CTNNA2: variants seen among roughly 807,000 people sequenced by gnomAD.
The protein encoded by CTNNA2 is catenin alpha 2.
A neutral mutation model predicts 101.0 loss-of-function variants in CTNNA2; 42 were observed. The ratio of observed to expected loss-of-function variants is 0.42; its 90% CI spans 0.32 to 0.54. The LOEUF (loss-of-function observed/expected upper bound fraction) is 0.54. CTNNA2 is among the 20% of genes least tolerant of loss of function. CTNNA2 has a pLI of 0.14. For missense variants in CTNNA2, 871 were observed against 1,223.1 expected (o/e 0.71, Z 4.29); for synonymous variants, 450 against 456.4 (o/e 0.99, Z 0.18).
intron 8 of CTNNA2, among the ~76,000 whole-genome samples, chr2:80,393,954 CCT>C (rs981733510): frequency 6.6e-6 from 1 of 152,108 alleles, no homozygotes; most frequent in Non-Finnish European, 1.5e-5. Context: ...ATGATGAACT[CCT>C]CTTTCTTTGG....
intron 3 of CTNNA2, among the ~76,000 whole-genome samples, chr2:79,333,043 G>T (rs561423762): frequency 8.0e-4 from 122 of 152,268 alleles, no homozygotes; most frequent in African/African-American, 2.8e-3. Context: ...CCAAGGGAAA[G>T]AATAACTATC....
At chr2:80,314,293 T>A (rs1677887495) in intron 7 of CTNNA2, among the ~76,000 whole-genome samples, 2 of 152,230 alleles carry the variant, frequency 1.3e-5, no homozygotes, top group South Asian at 4.1e-4. Context: ...AGCATTCAAA[T>A]TCTAATTTAT....
At chr2:79,475,152 A>G (rs1287280505) in intron 4 of CTNNA2, among the ~76,000 whole-genome samples, 2 of 151,924 alleles carry the variant, frequency 1.3e-5, no homozygotes, top group Admixed American at 6.6e-5. Context: ...AGAGCTCCCC[A>G]TAATTTTTTT....
chr2:79,715,349 T>G (rs1008234166), intron 2 of CTNNA2, among the ~76,000 whole-genome samples: 4 of 152,156 alleles, frequency 2.6e-5, no homozygotes, highest in African/African-American at 9.7e-5. Flanking sequence ...TGTAGAATTG[T>G]TCTGCCTTTC....
At chr2:79,865,086 T>C (rs1238954600) in intron 4 of CTNNA2, among the ~76,000 whole-genome samples, 1 of 152,222 alleles carries the variant, frequency 6.6e-6, no homozygotes, top group Non-Finnish European at 1.5e-5. Flanking sequence ...AACACACTTA[T>C]ACACACATTT....
At chr2:79,486,896 T>C (rs1407887194) in intron 4 of CTNNA2, among the ~76,000 whole-genome samples, 2 of 152,222 alleles carry the variant, frequency 1.3e-5, no homozygotes, top group African/African-American at 4.8e-5. Context: ...AGGCGAAATA[T>C]TTTTAAAGTC....
intron 7 of CTNNA2, among the ~76,000 whole-genome samples, chr2:79,947,020 G>T (rs979654496): frequency 2.0e-5 from 3 of 152,076 alleles, no homozygotes; most frequent in African/African-American, 7.2e-5. Flanking sequence ...TAAAAATTCT[G>T]GTGTATTAAG....
chr2:79,424,572 C>T (rs1678573511), intron 4 of CTNNA2, among the ~76,000 whole-genome samples: 1 of 152,084 alleles, frequency 6.6e-6, no homozygotes, highest in South Asian at 2.1e-4. Context: ...CTTACCTAGT[C>T]AGATATGCAG....
intron 9 of CTNNA2, among the ~76,000 whole-genome samples, chr2:80,482,563 G>A (rs539735328): frequency 3.3e-5 from 5 of 152,240 alleles, no homozygotes; most frequent in South Asian, 2.1e-4. Flanking sequence ...TACAAAAAGA[G>A]GCAGCAGGCT....
chr2:80,442,710 G>T (rs556642753), intron 9 of CTNNA2, among the ~76,000 whole-genome samples: 367 of 152,218 alleles, frequency 2.4e-3, no homozygotes, highest in African/African-American at 8.5e-3. Flanking sequence ...TCTTCTGGAA[G>T]ACAAGAGAAT....
chr2:79,583,469 A>T (rs963034878), intron 1 of CTNNA2, among the ~76,000 whole-genome samples: 1 of 151,224 alleles, frequency 6.6e-6, no homozygotes, highest in African/African-American at 2.4e-5. Context: ...AATTTTAGTG[A>T]TTCTTGTTGA....
intron 1 of CTNNA2, among the ~76,000 whole-genome samples, chr2:79,624,641 A>G (rs1002220390): frequency 6.6e-6 from 1 of 152,190 alleles, no homozygotes; most frequent in Non-Finnish European, 1.5e-5. Context: ...GAGTGAATTA[A>G]TTAGTTAATT....
intron 15 of CTNNA2, among the ~76,000 whole-genome samples, chr2:80,596,262 TGGGCTGAGACAAGG>T (rs1696944757): frequency 6.9e-6 from 1 of 145,318 alleles, no homozygotes; most frequent in African/African-American, 2.5e-5. Flanking sequence ...GGAGTTTTTT[TGGGCTGAGACAAGG>T]TTGTTTTTTT....
intron 9 of CTNNA2, among the ~76,000 whole-genome samples, chr2:80,509,128 G>T (rs908376484): frequency 2.5e-4 from 38 of 152,138 alleles, no homozygotes; most frequent in African/African-American, 9.2e-4. Context: ...AACCCCTCAC[G>T]TGGGTATAAC....
intron 7 of CTNNA2, among the ~76,000 whole-genome samples, chr2:80,032,883 T>A (rs978925998): frequency 1.3e-5 from 2 of 151,908 alleles, no homozygotes; most frequent in Non-Finnish European, 2.9e-5. Context: ...CCGGGCGCAG[T>A]GGCTCATGCC....
intron 7 of CTNNA2, among the ~76,000 whole-genome samples, chr2:80,267,698 A>G (rs1028174173): frequency 3.9e-5 from 6 of 152,222 alleles, no homozygotes; most frequent in African/African-American, 1.4e-4. Context: ...TCCGGAGGAA[A>G]GCATATTTGA....
chr2:80,051,713 A>T (rs1364560277), intron 7 of CTNNA2, among the ~76,000 whole-genome samples: 1 of 152,104 alleles, frequency 6.6e-6, no homozygotes, highest in Non-Finnish European at 1.5e-5. Flanking sequence ...CACAGAGGCC[A>T]TTGCTCATGC....
chr2:80,183,969 G>A (rs926728741), intron 7 of CTNNA2, among the ~76,000 whole-genome samples: 1 of 151,984 alleles, frequency 6.6e-6, no homozygotes, highest in African/African-American at 2.4e-5. Context: ...ATCAACTTGT[G>A]AGCTTGTGCC....
Position 79,624,040 on chromosome 2 carries a change from T to G in CTNNA2, c.-5-27512T>G, listed in dbSNP as rs981054082. Among the ~76,000 whole-genome samples, 4 of 151,988 alleles carry G rather than the reference T, an allele frequency of 2.6e-5. No individual in the cohort carries two copies. In the South Asian group the frequency reaches 8.3e-4, roughly 31 times the overall value. On this transcript the variant is annotated intron_variant, in intron 1 of 18. Transcript: ENST00000402739. ...TCTTTCCCCCATGCTCTCTTTCCCC[T>G]TGCCCACTTCTCTTTCCCTCCCTGT...
Sources: gnomAD v4.1 joint callset for allele counts (sites outside exome capture counted in the v4.1 genomes callset) on GRCh38, gnomAD v4.1.1 for gene constraint, MANE v1.5 for transcripts, NCBI Gene and HGNC (gene_info 2026-07-23, HGNC 2026-07-21) for gene names.